CAMKMT: variants seen among roughly 807,000 people sequenced by gnomAD.
CAMKMT encodes CaM KMT.
Under a neutral mutation model 48.0 loss-of-function variants are expected in CAMKMT, and 53 were observed. That is an observed-to-expected ratio of 1.10 (90% CI 0.89 to 1.39). The LOEUF (loss-of-function observed/expected upper bound fraction) is 1.39. CAMKMT is among the 40% of genes most tolerant of loss of function. CAMKMT has a pLI of 0.00. For synonymous variants in CAMKMT, 165 were observed against 152.3 expected (o/e 1.08, Z -0.61); for missense variants, 428 against 402.7 (o/e 1.06, Z -0.54).
At chr2:44,693,206 C>A (rs1168126216) in intron 3 of CAMKMT, among the ~76,000 whole-genome samples, 1 of 152,178 alleles carries the variant, frequency 6.6e-6, no homozygotes, top group Admixed American at 6.5e-5. Context: ...CATCTAATTT[C>A]TTAGAGTAGC....
chr2:44,604,640 G>A (rs1671185499), intron 3 of CAMKMT, among the ~76,000 whole-genome samples: 1 of 150,798 alleles, frequency 6.6e-6, no homozygotes, highest in African/African-American at 2.4e-5. Flanking sequence ...GTTACAATGA[G>A]ATTCTGAACC....
intron 3 of CAMKMT, among the ~76,000 whole-genome samples, chr2:44,580,040 G>T (rs1669462357): frequency 6.6e-6 from 1 of 152,076 alleles, no homozygotes; most frequent in African/African-American, 2.4e-5. Context: ...TTAAGAATTT[G>T]TGTGCTTCAG....
chr2:44,644,811 A>G (rs986050631), intron 3 of CAMKMT, among the ~76,000 whole-genome samples: 3 of 152,294 alleles, frequency 2.0e-5, no homozygotes, highest in South Asian at 4.1e-4. Context: ...ATGTGCACTG[A>G]ACAACTTTAT....
At chr2:44,469,020 G>A (rs1668274953) in intron 3 of CAMKMT, among the ~76,000 whole-genome samples, 1 of 152,168 alleles carries the variant, frequency 6.6e-6, no homozygotes, top group African/African-American at 2.4e-5. Flanking sequence ...GGAATGGAAG[G>A]CTAGGAAGAG....
At chr2:44,681,226 A>G (rs1323148030) in intron 3 of CAMKMT, among the ~76,000 whole-genome samples, 1 of 152,192 alleles carries the variant, frequency 6.6e-6, no homozygotes, top group Non-Finnish European at 1.5e-5. Flanking sequence ...CAGTAAGCAT[A>G]TGCTTCAGTT....
At position 44,629,906 on chromosome 2, in the gene CAMKMT, A is replaced by G. The variant is rs550539023; in HGVS notation, c.377-74377A>G. ...ATTGGAAAAAACTACTTTAAAGTTC[A>G]TATGGAACCAAAAAAGAGCCCACAT... is the stretch of plus-strand genomic sequence containing the variant. On this transcript the variant is annotated intron_variant, in intron 3 of 10. Transcript: ENST00000378494. 1.6e-3 allele frequency among the ~76,000 whole-genome samples: 244 copies of G among 152,204 alleles called. 3 individuals are homozygous for G. The highest frequency in any genetic ancestry group is 3.5e-4 in the Non-Finnish European group (24 of 67,990).
chr2:44,484,556 A>G (rs1213346511), intron 3 of CAMKMT, among the ~76,000 whole-genome samples: 1 of 152,078 alleles, frequency 6.6e-6, no homozygotes, highest in Non-Finnish European at 1.5e-5. Context: ...ACCTCATACC[A>G]TATACAAATA....
rs545897559 is a variant in CAMKMT at position 44,362,635 on chromosome 2, A to G, written c.138+490A>G. Among the ~76,000 whole-genome samples, 98 of 152,304 alleles carry G rather than the reference A, an allele frequency of 6.4e-4. 1 individual carries two copies. The highest frequency in any genetic ancestry group is 1.3e-3 in the Non-Finnish European group (88 of 68,022). On this transcript the variant is annotated intron_variant, in intron 1 of 10. Coordinates refer to ENST00000378494, the MANE Select transcript of CAMKMT (RefSeq NM_024766.5). The stretch of plus-strand genomic sequence containing the variant: ...GAGACACGGCATGCGTTCCCTCGGC[A>G]TCTTCCGTACAGCGGAGCGTGCAAG...
intron 3 of CAMKMT, among the ~76,000 whole-genome samples, chr2:44,515,460 G>C (rs538177757): frequency 3.9e-5 from 6 of 152,162 alleles, no homozygotes; most frequent in Non-Finnish European, 8.8e-5. Flanking sequence ...GGGATTAGGG[G>C]AGTTACATGA....
chr2:44,472,970 G>T (rs1668500553), intron 3 of CAMKMT, among the ~76,000 whole-genome samples: 2 of 152,178 alleles, frequency 1.3e-5, no homozygotes, highest in Non-Finnish European at 1.5e-5. Flanking sequence ...TTACCAGCGT[G>T]AGGAATAAAC....
chr2:44,524,549 C>A (rs1050770495), intron 3 of CAMKMT, among the ~76,000 whole-genome samples: 8 of 150,912 alleles, frequency 5.3e-5, no homozygotes, highest in African/African-American at 2.0e-4. Context: ...CCTCTTCTTT[C>A]CTTTACCATT....
chr2:44,678,234 C>A (rs1675828710), intron 3 of CAMKMT, among the ~76,000 whole-genome samples: 1 of 152,150 alleles, frequency 6.6e-6, no homozygotes. Context: ...TGATGGTGCA[C>A]TTCAGATTAA....
intron 3 of CAMKMT, among the ~76,000 whole-genome samples, chr2:44,652,726 A>T (rs1452087942): frequency 2.0e-5 from 3 of 152,168 alleles, no homozygotes; most frequent in Admixed American, 1.3e-4. Flanking sequence ...GTCTAGTGGG[A>T]GGAGTGTGGG....
chr2:44,607,186 C>T (rs1021005379), intron 3 of CAMKMT, among the ~76,000 whole-genome samples: 2 of 152,328 alleles, frequency 1.3e-5, no homozygotes, highest in Non-Finnish European at 2.9e-5. Flanking sequence ...ATTTTTTATT[C>T]CCATTTACCT....
intron 3 of CAMKMT, among the ~76,000 whole-genome samples, chr2:44,443,092 C>T (rs1013445984): frequency 1.3e-5 from 2 of 152,120 alleles, no homozygotes; most frequent in African/African-American, 4.8e-5. Context: ...CTTTGAACTC[C>T]TTAGAGGAAA....
intron 3 of CAMKMT, among the ~76,000 whole-genome samples, chr2:44,698,886 A>G (rs1378123255): frequency 1.3e-5 from 2 of 152,236 alleles, no homozygotes; most frequent in Admixed American, 1.3e-4. Context: ...AGTTTATGTA[A>G]TATTCTAAAT....
chr2:44,747,469 C>T (rs1314077576), intron 8 of CAMKMT, among the ~76,000 whole-genome samples: 2 of 152,140 alleles, frequency 1.3e-5, no homozygotes, highest in Non-Finnish European at 2.9e-5. Context: ...AGAGAAAATA[C>T]ATGAATCACC....
In CAMKMT at chr2:44,766,574, C is replaced by T; in HGVS notation, c.894+13C>T. ...CTTCCACTCCAAGGTTAGTTTTCTG[C>T]TTGTGTTAGATAACACTTTAATCCG... is the stretch of plus-strand genomic sequence containing the variant. On this transcript the variant is annotated intron_variant, in intron 10 of 10. Transcript: ENST00000378494. 1 of 1,613,200 alleles carries T rather than the reference C, an allele frequency of 6.2e-7. No individual in the cohort carries two copies. Among genetic ancestry groups the T allele is most frequent in the Non-Finnish European group, 8.5e-7 (1 of 1,179,842 alleles).
At chr2:44,396,370 T>G (rs1681843406) in intron 3 of CAMKMT, among the ~76,000 whole-genome samples, 1 of 152,178 alleles carries the variant, frequency 6.6e-6, no homozygotes, top group Non-Finnish European at 1.5e-5. Context: ...AAGATGTATT[T>G]TCTTTATAAA....
Sources: gnomAD v4.1 joint callset for allele counts (sites outside exome capture counted in the v4.1 genomes callset) on GRCh38, gnomAD v4.1.1 for gene constraint, MANE v1.5 for transcripts, NCBI Gene and HGNC (gene_info 2026-07-23, HGNC 2026-07-21) for gene names.